The following MACF1 variants were observed in gnomAD, a reference collection of about 807,000 sequenced individuals.
MACF1 encodes the protein microtubule actin crosslinking factor 1, also known as microtubule-actin cross-linking factor 1.
In MACF1, 193 loss-of-function variants were observed where a neutral mutation model predicts 854.8. The observed-to-expected ratio is 0.23, with a 90% CI of 0.20 to 0.25. The LOEUF is 0.25. MACF1 is among the 10% of genes least tolerant of loss of function. The pLI, the probability that MACF1 is intolerant of heterozygous loss-of-function variation, is 1.00. For synonymous variants in MACF1, 3,185 were observed against 3,226.7 expected (o/e 0.99, Z 0.44); for missense variants, 7,722 against 8,929.1 (o/e 0.86, Z 5.45).
chr1:39,475,731 G>A (rs1644867722), intron 97 of MACF1, among the ~76,000 whole-genome samples: 1 of 152,104 alleles, frequency 6.6e-6, no homozygotes, highest in Non-Finnish European at 1.5e-5. Context: ...CCTGACTCTG[G>A]TCATGCCTAA....
chr1:39,277,153 GAAA>G (rs35640640), intron 6 of MACF1, among the ~76,000 whole-genome samples: 2,355 of 143,620 alleles, frequency 0.016, 37 homozygotes, highest in Non-Finnish European at 0.022. Context: ...CAGAATGAAT[GAAA>G]AAAAAAAAAA....
At chr1:39,419,177 T>C (rs1643437187) in intron 58 of MACF1, among the ~76,000 whole-genome samples, 1 of 152,248 alleles carries the variant, frequency 6.6e-6, no homozygotes, top group Non-Finnish European at 1.5e-5. Context: ...TGTTCACTTT[T>C]ATTCAAAATA....
At chr1:39,254,172 C>T in intron 4 of MACF1, 126 bp from the exon 5 acceptor site, 1 of 776,430 alleles carries the variant, frequency 1.3e-6, no homozygotes, top group South Asian at 1.7e-5. Flanking sequence ...GTGTAATGCT[C>T]CCAGGCCTGG....
At chr1:39,432,454 C>T (rs1557651739) in intron 66 of MACF1, 81 bp from the exon 67 acceptor site, 2 of 1,327,578 alleles carry the variant, frequency 1.5e-6, no homozygotes, top group Non-Finnish European at 2.1e-6. Flanking sequence ...AAATCCAGGC[C>T]TTGCTTTGTT....
rs1241433864 is a variant in MACF1 at position 39,452,238 on chromosome 1, G to A, written c.20501G>A (p.Arg6834Gln). The A allele has an allele frequency of 5.6e-6, 9 of 1,614,168 alleles. No individual in the cohort carries two copies. Among genetic ancestry groups the A allele is most frequent in the Non-Finnish European group, 6.8e-6 (8 of 1,180,030 alleles). Residue 6834 changes from arginine (R) to glutamine (Q), a missense_variant, in exon 86 of 101, where the codon CGA (arginine) becomes CAA (glutamine). Around this residue, in one of 15 missense-constraint regions of MACF1, gnomAD observed 729 missense variants for 900.5 expected, o/e 0.81. Coordinates refer to ENST00000564288, the MANE Select transcript of MACF1 (RefSeq NM_001394062.1). ...RSGRELIENS[R>Q]DDTTWVKGQL... ...GGCCGAGAGCTGATTGAGAATAGTC[G>A]AGATGACACCACTTGGGTAAAAGGA...
In MACF1 at chr1:39,322,996, G is replaced by T; in HGVS notation, c.4224G>T (p.Leu1408=). 6.2e-7 allele frequency: 1 copy of T among 1,610,204 alleles called. No individual in the cohort carries two copies. The highest frequency in any genetic ancestry group is 8.5e-7 in the Non-Finnish European group (1 of 1,176,772). Reference sequence around the variant, plus strand: ...ACATCAGTGATGCACTCCGGCGTCTGGAGGAGGAGGAGGTGAGGACAGTTG... The same window carrying T: ...ACATCAGTGATGCACTCCGGCGTCTTGAGGAGGAGGAGGTGAGGACAGTTG... The part of the protein sequence containing the change: ...VKYISDALRR[L]EEEEKVVEEE... Residue 1408 remains leucine, a synonymous_variant, in exon 33 of 101, where the codon CTG becomes CTT. Coordinates refer to ENST00000564288, the MANE Select transcript of MACF1 (RefSeq NM_001394062.1).
At chr1:39,188,339 T>C (rs1259605579) in intron 2 of MACF1, among the ~76,000 whole-genome samples, 1 of 152,000 alleles carries the variant, frequency 6.6e-6, no homozygotes, top group Non-Finnish European at 1.5e-5. Context: ...GCCCCGGAGG[T>C]TGAAGCTGTA....
intron 52 of MACF1, among the ~76,000 whole-genome samples, chr1:39,377,794 G>A (rs555068136): frequency 9.9e-4 from 151 of 152,156 alleles, no homozygotes; most frequent in Non-Finnish European, 7.2e-4. Context: ...ACCTGAGGTC[G>A]GGAGTTTGAG....
chr1:39,296,776 GAAAGAAAGAAAGAAAGGAAGGAAGGA>G (rs1645915896), intron 20 of MACF1, among the ~76,000 whole-genome samples: 13 of 81,340 alleles, frequency 1.6e-4, no homozygotes, highest in African/African-American at 4.5e-4. Flanking sequence ...GGAAGGAAAA[GAAAGAAAGAAAGAAAGGAAGGAAGGA>G]AAAGAAAGAA....
At chr1:39,182,023 C>T (rs564258230) in intron 2 of MACF1, among the ~76,000 whole-genome samples, 8 of 151,862 alleles carry the variant, frequency 5.3e-5, no homozygotes, top group Admixed American at 2.0e-4. Context: ...TGGTGGCGGG[C>T]ACCTGTAATC....
chr1:39,481,053 G>A, intron 99 of MACF1, 23 bp downstream of exon 99: 4 of 1,461,160 alleles, frequency 2.7e-6, no homozygotes, highest in Non-Finnish European at 3.8e-6. Flanking sequence ...TTTGCTGACT[G>A]AGGACACAGT....
chr1:39,328,900 A>G lies in MACF1; in HGVS notation c.4614+1547A>G, dbSNP rs1646666253. ...AGTGTAGACTTTTCTCTTTGGCTAC[A>G]CTGCAGGCCTTTCTTCAATGTCAGC... On this transcript the variant is annotated intron_variant, in intron 36 of 100. Coordinates refer to ENST00000564288, the MANE Select transcript of MACF1 (RefSeq NM_001394062.1). 2.0e-5 allele frequency among the ~76,000 whole-genome samples: 3 copies of G among 152,170 alleles called. No homozygotes were observed. In the South Asian group the frequency reaches 6.2e-4, roughly 32 times the overall value.
intron 2 of MACF1, among the ~76,000 whole-genome samples, chr1:39,135,495 C>T (rs570983238): frequency 6.6e-6 from 1 of 152,198 alleles, no homozygotes; most frequent in Admixed American, 6.5e-5. Context: ...GTTTCGGCCT[C>T]CCTAAGTGCT....
chr1:39,190,279 CTT>C (rs1557507890), intron 2 of MACF1, among the ~76,000 whole-genome samples: 2 of 151,490 alleles, frequency 1.3e-5, no homozygotes, highest in African/African-American at 2.4e-5. Context: ...GCCTCTCTCT[CTT>C]CTTTCTTTCT....
At chr1:39,390,285 G>GTTA (rs1335601323) in intron 58 of MACF1, among the ~76,000 whole-genome samples, 1 of 152,156 alleles carries the variant, frequency 6.6e-6, no homozygotes, top group Non-Finnish European at 1.5e-5. Context: ...GCTTGCCAGC[G>GTTA]TTATTTATCT....
At chr1:39,209,554 C>T (rs1294167514) in intron 1 of MACF1, among the ~76,000 whole-genome samples, 1 of 152,140 alleles carries the variant, frequency 6.6e-6, no homozygotes, top group Non-Finnish European at 1.5e-5. Flanking sequence ...CAGCATCCCA[C>T]TAGGAGGAAC....
At chr1:39,400,374 A>G (rs1305394161) in intron 58 of MACF1, among the ~76,000 whole-genome samples, 2 of 152,192 alleles carry the variant, frequency 1.3e-5, no homozygotes, top group African/African-American at 2.4e-5. Flanking sequence ...ATGAAGTGAT[A>G]TATCTAAAAG....
rs923590633 is a variant in MACF1, at chr1:39,462,085, T to G, written c.21678+48T>G. 8 of 1,590,460 alleles carry G rather than the reference T, an allele frequency of 5.0e-6. No homozygotes were observed. The African/African-American group carries it at 1.1e-4, about 21-fold the overall frequency. ...GAGTACACTTCTGGCTGTAGGTTTG[T>G]AATATCCTGAATTTGGTTGGGTTCA... On this transcript the variant is annotated intron_variant, in intron 93 of 100. Coordinates refer to ENST00000564288, the MANE Select transcript of MACF1 (RefSeq NM_001394062.1).
chr1:39,353,226 A>G lies in MACF1; in HGVS notation c.11419A>G (p.Met3807Val). 1.2e-6 allele frequency: 2 copies of G among 1,602,826 alleles called. No homozygotes were observed. Among genetic ancestry groups the G allele is most frequent in the Non-Finnish European group, 1.7e-6 (2 of 1,171,184 alleles). Residue 3807 changes from methionine (M) to valine (V), a missense_variant, in exon 44 of 101, where the codon ATG becomes GTG. Coordinates refer to ENST00000564288, the MANE Select transcript of MACF1 (RefSeq NM_001394062.1). ...GAAACTGGACAAGCAATGTGAGATG[A>G]TGAAGGTAAGGGTGTTAGCTTATCC... is the stretch of plus-strand genomic sequence containing the variant. ...PEKLDKQCEM[M>V]KARHQELLSQ...
Sources: gnomAD v4.1 joint callset for allele counts (sites outside exome capture counted in the v4.1 genomes callset) on GRCh38, gnomAD v4.1.1 for gene constraint, gnomAD v4.1.1 regional missense constraint, MANE v1.5 for transcripts, NCBI Gene and HGNC (gene_info 2026-07-23, HGNC 2026-07-21) for gene names.